FGFR1: variants seen among roughly 807,000 people sequenced by gnomAD.
FGFR1 encodes FGFR1/PLAG1 fusion.
Under a neutral mutation model 93.7 loss-of-function variants are expected in FGFR1, and 18 were observed. The observed-to-expected ratio is 0.19, with a 90% CI of 0.13 to 0.28. FGFR1 has a LOEUF of 0.28. Among genes scored for constraint, FGFR1 ranks in the 10% least tolerant of loss-of-function variants. The probability of loss-of-function intolerance (pLI) is 1.00; values close to 1 mark genes in which losing one functional copy is unlikely to be tolerated. For missense variants in FGFR1, 731 were observed against 1,080.4 expected, an observed-to-expected ratio of 0.68 and a Z score of 4.53; for synonymous variants, 448 against 429.3, an observed-to-expected ratio of 1.04 and a Z score of -0.54.
rs576769988 is a variant in FGFR1, at chr8:38,457,645, C to A, written c.-88-111G>T. 8.5e-6 allele frequency: 9 copies of A among 1,060,900 alleles called. No homozygotes were observed. The African/African-American group carries it at 1.4e-4, about 17-fold the overall frequency. 65.7% of individuals were successfully genotyped at this position (1,060,900 alleles called of 1,614,324 possible). On this transcript the variant is annotated intron_variant, in intron 1 of 17. Transcript: ENST00000447712. ...GGTGGCTGCTTAAAGTGTGGACTTACTAAGGCGTCCAGAAGAAAATTGTGA... is the reference window on the plus strand; with the variant it reads ...GGTGGCTGCTTAAAGTGTGGACTTAATAAGGCGTCCAGAAGAAAATTGTGA...
rs139347382 is a variant in FGFR1 at position 38,412,722 on chromosome 8, T to A, written c.*906A>T. The A allele has an allele frequency of 3.6e-3, 852 of 233,438 alleles. 3 individuals are homozygous for A. Among genetic ancestry groups the A allele is most frequent in the Admixed American group, 5.7e-3 (102 of 17,776 alleles). The allele number at this position is 233,438 out of a possible 1,614,324, so 14.5% of individuals were successfully genotyped here. Reference sequence around the variant, plus strand: ...ATTCCCACCCTTTTCATACAGCCCATAGATAAATGAAGCAGCAGCAATTTT... The same window carrying A: ...ATTCCCACCCTTTTCATACAGCCCAAAGATAAATGAAGCAGCAGCAATTTT... On this transcript the variant is annotated 3_prime_UTR_variant, in exon 18 of 18. Coordinates refer to ENST00000447712, the MANE Select transcript of FGFR1 (RefSeq NM_023110.3).
Position 38,412,926 on chromosome 8 carries a change from C to T in FGFR1, c.*702G>A, listed in dbSNP as rs998890363. 4.3e-6 allele frequency: 1 copy of T among 233,450 alleles called. No individual in the cohort carries two copies. The highest frequency in any genetic ancestry group is 8.5e-6 in the Non-Finnish European group (1 of 117,982). 14.5% of individuals were successfully genotyped at this position (233,450 alleles called of 1,614,324 possible). ...GGAGCATCTTACCCGATGGGTAAAT[C>T]TCTGGTAACGACCCTTTTAAAAAGA... On this transcript the variant is annotated 3_prime_UTR_variant, in exon 18 of 18. Coordinates refer to ENST00000447712, the MANE Select transcript of FGFR1 (RefSeq NM_023110.3).
intron 1 of FGFR1, chr8:38,460,985 A>G: frequency 7.1e-7 from 1 of 1,400,186 alleles, no homozygotes; most frequent in South Asian, 1.2e-5. Flanking sequence ...CCGTCTCTCC[A>G]ATATCAGCTA....
At chr8:38,427,734 T>C (rs889258266) in intron 5 of FGFR1, among the ~76,000 whole-genome samples, 187 bp downstream of exon 5, 1 of 152,220 alleles carries the variant, frequency 6.6e-6, no homozygotes, top group Non-Finnish European at 1.5e-5. Context: ...GTAAAAACCA[T>C]ATTACAGAAA....
intron 1 of FGFR1, among the ~76,000 whole-genome samples, chr8:38,464,504 G>T (rs1002460161): frequency 6.6e-6 from 1 of 152,098 alleles, no homozygotes; most frequent in African/African-American, 2.4e-5. Context: ...GCAGGGGAGA[G>T]ATAAATGGTG....
chr8:38,415,813 C>CT, intron 13 of FGFR1, 57 bp downstream of exon 13: 2 of 1,542,950 alleles, frequency 1.3e-6, no homozygotes. Context: ...GGCTGGAAGA[C>CT]TAGGGGGGCT....
chr8:38,424,341 A>G lies in FGFR1; in HGVS notation c.936+168T>C. The G allele has an allele frequency of 1.3e-6, 1 of 778,860 alleles. No homozygotes were observed. Among genetic ancestry groups the G allele is most frequent in the Admixed American group, 2.0e-5 (1 of 49,998 alleles). The allele number at this position is 778,860 out of a possible 1,614,324, so 48.2% of individuals were successfully genotyped here. ...CCTCCACTTTGTGACCTCTGTTACTAGTCCTGGGGGATGTGGCTAGATCCC... is the reference window on the plus strand; with the variant it reads ...CCTCCACTTTGTGACCTCTGTTACTGGTCCTGGGGGATGTGGCTAGATCCC... On this transcript the variant is annotated intron_variant, in intron 7 of 17. Coordinates refer to ENST00000447712, the MANE Select transcript of FGFR1 (RefSeq NM_023110.3). This position sits in a 1 kb window ranked among gnomAD's most constrained non-coding sequence, Gnocchi z 4.3.
chr8:38,460,964 T>C (rs1193782559), intron 1 of FGFR1: 13 of 1,158,262 alleles, frequency 1.1e-5, no homozygotes, highest in Middle Eastern at 2.6e-4. Context: ...CTGCAGCTGG[T>C]TCCCCCCGCC....
rs553706848 is a variant in FGFR1 at position 38,429,899 on chromosome 8, G to A, written c.141C>T (p.Pro47=). 4.3e-6 allele frequency: 7 copies of A among 1,613,688 alleles called. No homozygotes were observed. The East Asian group carries it at 8.9e-5, about 21-fold the overall frequency. Residue 47 remains proline, a synonymous_variant, in exon 3 of 18, where the codon CCC becomes CCT. Coordinates refer to ENST00000447712, the MANE Select transcript of FGFR1 (RefSeq NM_023110.3). This position sits in a 1 kb window ranked among gnomAD's most constrained non-coding sequence, Gnocchi z 4.4. The stretch of plus-strand genomic sequence containing the variant: ...GACAGCGAAGCTGCAGCAGGTCACC[G>A]GGGTGGACCAGGAAGGACTCCACTT... ...PVEVESFLVH[P]GDLLQLRCRL...
Position 38,424,852 on chromosome 8 carries a change from G to C in FGFR1, c.746-153C>G, listed in dbSNP as rs1820167429. On this transcript the variant is annotated intron_variant, in intron 6 of 17. Transcript: ENST00000447712. This position sits in a 1 kb window ranked among gnomAD's most constrained non-coding sequence, Gnocchi z 4.3. ...CCCAAGCCTCTCAAAACAGAGCTGG[G>C]GAAAGGGACACCCTCTCTTCAGGCC... Among the ~76,000 whole-genome samples the C allele has an allele frequency of 6.6e-6, 1 of 152,192 alleles. No homozygotes were observed.
Position 38,441,423 on chromosome 8 carries a change from C to T in FGFR1, c.92-11475G>A, listed in dbSNP as rs892159652. On this transcript the variant is annotated intron_variant, in intron 2 of 17. Coordinates refer to ENST00000447712, the MANE Select transcript of FGFR1 (RefSeq NM_023110.3). ...TAAGTGATTAACAAAGGAATGCACC[C>T]AAGAGTTGTCTGAAAAGAAATTTCC... 2.8e-4 allele frequency among the ~76,000 whole-genome samples: 42 copies of T among 152,150 alleles called. 1 individual carries two copies. Among genetic ancestry groups the T allele is most frequent in the Non-Finnish European group, 2.9e-5 (2 of 68,018 alleles).
chr8:38,432,799 A>AT (rs539397454), intron 2 of FGFR1, among the ~76,000 whole-genome samples: 141 of 152,180 alleles, frequency 9.3e-4, no homozygotes, highest in Non-Finnish European at 1.5e-3. Flanking sequence ...TACCCTGTGT[A>AT]CAGAGTAAAA....
intron 2 of FGFR1, chr8:38,440,438 TAGA>T (rs986753238): frequency 1.2e-5 from 17 of 1,375,740 alleles, no homozygotes; most frequent in African/African-American, 5.9e-5. Context: ...AGTCCCCAAA[TAGA>T]AGGAGAGCTG....
At chr8:38,440,922 A>T (rs1360231545) in intron 2 of FGFR1, among the ~76,000 whole-genome samples, 1 of 152,200 alleles carries the variant, frequency 6.6e-6, no homozygotes, top group Non-Finnish European at 1.5e-5. Flanking sequence ...TCAGCAGCCC[A>T]GGGGCTTGGG....
At position 38,468,383 on chromosome 8, in the gene FGFR1, C is replaced by A. The variant is rs891496828; in HGVS notation, c.-491G>T. On this transcript the variant is annotated 5_prime_UTR_variant, in exon 1 of 18. Coordinates refer to ENST00000447712, the MANE Select transcript of FGFR1 (RefSeq NM_023110.3). ...GTACCGTGCGCCCTGCGGGGCGCCCCGAGCTCGGACCGGAGAAAAGTCCTT... is the reference window on the plus strand; with the variant it reads ...GTACCGTGCGCCCTGCGGGGCGCCCAGAGCTCGGACCGGAGAAAAGTCCTT... The A allele has an allele frequency of 2.2e-5, 5 of 228,228 alleles. No individual in the cohort carries two copies. Among genetic ancestry groups the A allele is most frequent in the South Asian group, 1.8e-4 (1 of 5,508 alleles). 14.1% of individuals were successfully genotyped at this position (228,228 alleles called of 1,614,324 possible).
At chr8:38,453,893 TAAAACC>T (rs765957798) in intron 2 of FGFR1, among the ~76,000 whole-genome samples, 4 of 152,008 alleles carry the variant, frequency 2.6e-5, no homozygotes, top group East Asian at 1.9e-4. Context: ...CTCTGTCTCT[TAAAACC>T]AACCAACCAA....
chr8:38,433,291 A>T (rs1586441101), intron 2 of FGFR1, among the ~76,000 whole-genome samples: 1 of 151,876 alleles, frequency 6.6e-6, no homozygotes, highest in East Asian at 1.9e-4. Flanking sequence ...AGCTATGATC[A>T]TGCCACTGGA....
At chr8:38,428,510 A>T in intron 3 of FGFR1, 75 bp from the exon 4 acceptor site, 1 of 1,158,992 alleles carries the variant, frequency 8.6e-7, no homozygotes, top group Non-Finnish European at 1.3e-6. Context: ...GCAGTTCCAG[A>T]TGAACACGGA....
intron 9 of FGFR1, chr8:38,418,639 T>G: frequency 3.7e-6 from 2 of 537,664 alleles, no homozygotes; most frequent in Non-Finnish European, 6.7e-6. Flanking sequence ...GCTTGACATT[T>G]TATAACTGAT....
Sources: gnomAD v4.1 joint callset for allele counts (sites outside exome capture counted in the v4.1 genomes callset) on GRCh38, gnomAD v4.1.1 for gene constraint, Gnocchi (gnomAD v3.1) non-coding constraint, MANE v1.5 for transcripts, NCBI Gene and HGNC (gene_info 2026-07-23, HGNC 2026-07-21) for gene names.